Variants in TPTE observed in about 807,000 individuals in gnomAD.
TPTE encodes putative tyrosine-protein phosphatase TPTE.
A neutral mutation model predicts 84.1 loss-of-function variants in TPTE; 59 were observed. That is an observed-to-expected ratio of 0.70 (90% CI 0.57 to 0.87). The LOEUF (loss-of-function observed/expected upper bound fraction) is 0.87, where lower values mean the gene tolerates loss of function less well. Ranked by LOEUF, TPTE falls within the 40% of genes least tolerant of loss-of-function variation. TPTE has a pLI of 0.00. For missense variants in TPTE, 382 were observed against 659.6 expected, an observed-to-expected ratio of 0.58 and a Z score of 4.61; for synonymous variants, 130 against 223.5, an observed-to-expected ratio of 0.58 and a Z score of 3.73.
intron 2 of TPTE, among the ~76,000 whole-genome samples, chr21:10,525,786 A>T (rs1232664381): frequency 1.2e-3 from 178 of 152,348 alleles, no homozygotes; most frequent in African/African-American, 3.9e-3. Context: ...CTGTGCCCCA[A>T]AGCAGCTTAT....
At chr21:10,531,247 AG>A (rs1216064038) in intron 3 of TPTE, among the ~76,000 whole-genome samples, 29 of 152,398 alleles carry the variant, frequency 1.9e-4, no homozygotes, top group African/African-American at 6.7e-4. Context: ...GCCTAATGGA[AG>A]GTGTTTGGAA....
At chr21:10,588,594 A>T (rs2075409737) in intron 17 of TPTE, among the ~76,000 whole-genome samples, 1 of 152,312 alleles carries the variant, frequency 6.6e-6, no homozygotes, top group South Asian at 2.1e-4. Flanking sequence ...TATTCCATCA[A>T]ATATGTTTTC....
rs1405694204 is a variant in TPTE at position 10,579,394 on chromosome 21, G to A, written c.1027+789G>A. ...AATCCCAGCTACTCGGAAGGCTGAG[G>A]CAGAAGAATCGCTTGAACCTGGGAG... is the stretch of plus-strand genomic sequence containing the variant. On this transcript the variant is annotated intron_variant, in intron 17 of 23. Coordinates refer to ENST00000618007, the MANE Select transcript of TPTE (RefSeq NM_199261.4). Among the ~76,000 whole-genome samples, 3 of 152,430 alleles carry A rather than the reference G, an allele frequency of 2.0e-5. No individual in the cohort carries two copies. In the East Asian group the frequency reaches 5.8e-4, roughly 29 times the overall value.
intron 3 of TPTE, among the ~76,000 whole-genome samples, chr21:10,533,176 A>T (rs2074208353): frequency 6.6e-6 from 1 of 152,302 alleles, no homozygotes; most frequent in Non-Finnish European, 1.5e-5. Flanking sequence ...TAAGTTTCTC[A>T]ATCTAATCTT....
At chr21:10,565,244 G>T (rs1021274876) in intron 10 of TPTE, among the ~76,000 whole-genome samples, 23 of 152,418 alleles carry the variant, frequency 1.5e-4, no homozygotes, top group South Asian at 2.1e-4. Flanking sequence ...TTAAAAAGTG[G>T]TCCTATATAC....
intron 17 of TPTE, among the ~76,000 whole-genome samples, chr21:10,585,666 T>C (rs1008545904): frequency 6.6e-6 from 1 of 152,312 alleles, no homozygotes; most frequent in Non-Finnish European, 1.5e-5. Flanking sequence ...TTATGCATGC[T>C]GATTTTTTTC....
chr21:10,575,312 A>T (rs2075128478), intron 14 of TPTE, among the ~76,000 whole-genome samples: 1 of 152,310 alleles, frequency 6.6e-6, no homozygotes, highest in African/African-American at 2.4e-5. Context: ...GAATCCCTGT[A>T]GGGGCTTTAA....
chr21:10,526,037 T>C (rs1228988645), intron 2 of TPTE, among the ~76,000 whole-genome samples: 2 of 152,304 alleles, frequency 1.3e-5, no homozygotes, highest in Admixed American at 6.5e-5. Flanking sequence ...TCTTACCTTT[T>C]TGGTGTTTTG....
chr21:10,540,878 CCTTA>C (rs2074356896), intron 4 of TPTE: 2 of 676,768 alleles, frequency 3.0e-6, no homozygotes, highest in East Asian at 3.1e-5. Flanking sequence ...GTGTAGATAC[CCTTA>C]CTTAATCTGC....
intron 3 of TPTE, among the ~76,000 whole-genome samples, chr21:10,531,195 C>T (rs1350341887): frequency 6.6e-6 from 1 of 152,308 alleles, no homozygotes; most frequent in African/African-American, 2.4e-5. Flanking sequence ...TTTGTACCCC[C>T]AAACCGTATG....
rs2075452330 is a variant in TPTE at position 10,590,524 on chromosome 21, G to A, written c.1089+1G>A. The A allele has an allele frequency of 1.2e-6, 2 of 1,613,896 alleles. No individual in the cohort carries two copies. The highest frequency in any genetic ancestry group is 8.5e-7 in the Non-Finnish European group (1 of 1,179,876). Reference sequence around the variant, plus strand: ...CTCTGAAATATGTTCAACTGCAAAGGTATGAAAGATGTTCTACAAACTTTG... The same window carrying A: ...CTCTGAAATATGTTCAACTGCAAAGATATGAAAGATGTTCTACAAACTTTG... On this transcript the variant is annotated splice_donor_variant, in intron 18 of 23. Transcript: ENST00000618007. LOFTEE classifies it high-confidence loss of function.
intron 3 of TPTE, among the ~76,000 whole-genome samples, chr21:10,533,619 C>T (rs987370834): frequency 6.6e-6 from 1 of 152,306 alleles, no homozygotes; most frequent in Non-Finnish European, 1.5e-5. Flanking sequence ...CCACTTTTTC[C>T]TTTCAAAAGT....
At chr21:10,542,589 A>G in intron 6 of TPTE, 141 bp downstream of exon 6, 1 of 1,223,234 alleles carries the variant, frequency 8.2e-7, no homozygotes, top group Non-Finnish European at 1.2e-6. Flanking sequence ...CCATCCATCC[A>G]TTCATCCATC....
At chr21:10,554,827 G>A (rs1478821941) in intron 8 of TPTE, among the ~76,000 whole-genome samples, 1 of 152,306 alleles carries the variant, frequency 6.6e-6, no homozygotes, top group Non-Finnish European at 1.5e-5. Context: ...ATAAAGTGTA[G>A]AAATTTACTT....
At chr21:10,599,263 CCTTTCT>C (rs1290324536) in intron 21 of TPTE, among the ~76,000 whole-genome samples, 266 of 151,868 alleles carry the variant, frequency 1.8e-3, no homozygotes, top group African/African-American at 6.2e-3. Context: ...TGTTCTCCTT[CCTTTCT>C]GTTCTCACTG....
At chr21:10,556,764 G>A (rs1370912857) in intron 8 of TPTE, among the ~76,000 whole-genome samples, 1 of 152,302 alleles carries the variant, frequency 6.6e-6, no homozygotes, top group African/African-American at 2.4e-5. Context: ...TGTCATTGTG[G>A]TTTTGATTTG....
chr21:10,595,081 C>T (rs377383364), intron 19 of TPTE, among the ~76,000 whole-genome samples: 1,120 of 151,054 alleles, frequency 7.4e-3, no homozygotes, highest in Non-Finnish European at 0.013. Flanking sequence ...CTCGCTCTGT[C>T]GCCCAGACTA....
At chr21:10,562,192 C>T (rs1328459185) in intron 10 of TPTE, among the ~76,000 whole-genome samples, 1 of 152,288 alleles carries the variant, frequency 6.6e-6, no homozygotes, top group African/African-American at 2.4e-5. Flanking sequence ...TTGGGGTGCC[C>T]CCTAAAGCAG....
intron 3 of TPTE, among the ~76,000 whole-genome samples, chr21:10,536,801 C>G (rs1381143269): frequency 6.6e-6 from 1 of 152,310 alleles, no homozygotes; most frequent in Non-Finnish European, 1.5e-5. Flanking sequence ...TCTTGTCACC[C>G]TTAGTAGCAG....
Sources: gnomAD v4.1 joint callset for allele counts (sites outside exome capture counted in the v4.1 genomes callset) on GRCh38, gnomAD v4.1.1 for gene constraint, MANE v1.5 for transcripts, NCBI Gene and HGNC (gene_info 2026-07-23, HGNC 2026-07-21) for gene names.